The following YES1 variants were observed in gnomAD, a reference collection of about 807,000 sequenced individuals.
The protein encoded by YES1 is YES proto-oncogene 1, Src family tyrosine kinase.
A neutral mutation model predicts 70.4 loss-of-function variants in YES1; 39 were observed. The observed-to-expected ratio is 0.55, with a 90% confidence interval of 0.43 to 0.72. YES1 has a LOEUF of 0.72. Among genes scored for constraint, YES1 ranks in the 30% least tolerant of loss-of-function variants. The pLI is 0.00. For synonymous variants in YES1, 198 were observed against 218.6 expected, an observed-to-expected ratio of 0.91 and a Z score of 0.83; for missense variants, 495 against 644.8, an observed-to-expected ratio of 0.77 and a Z score of 2.52.
intron 1 of YES1, among the ~76,000 whole-genome samples, chr18:795,607 G>C (rs1906497009): frequency 6.6e-6 from 1 of 152,024 alleles, no homozygotes; most frequent in Non-Finnish European, 1.5e-5. Context: ...CCTTTGCAAG[G>C]ACATGGATGA....
chr18:761,098 G>T (rs993451283), intron 1 of YES1, among the ~76,000 whole-genome samples: 2 of 152,088 alleles, frequency 1.3e-5, no homozygotes, highest in Non-Finnish European at 2.9e-5. Context: ...CAGACTGGAA[G>T]ATTTTGACTC....
chr18:796,405 T>C (rs1197447202), intron 1 of YES1, among the ~76,000 whole-genome samples: 1 of 152,220 alleles, frequency 6.6e-6, no homozygotes, highest in Non-Finnish European at 1.5e-5. Context: ...CACAGTCAAT[T>C]ATCAATACAC....
intron 8 of YES1, among the ~76,000 whole-genome samples, chr18:740,342 C>T (rs375452426): frequency 6.6e-6 from 1 of 152,122 alleles, no homozygotes; most frequent in Admixed American, 6.6e-5. Context: ...CAAGAGAAAA[C>T]ATCACACAAA....
chr18:803,711 T>A (rs1294800675), intron 1 of YES1, among the ~76,000 whole-genome samples: 4 of 152,074 alleles, frequency 2.6e-5, no homozygotes, highest in Non-Finnish European at 5.9e-5. Context: ...GAGGAGCTGG[T>A]AAGGTGGGAA....
intron 11 of YES1, 70 bp from the exon 12 acceptor site, chr18:724,702 C>G: frequency 8.1e-7 from 1 of 1,235,662 alleles, no homozygotes. Flanking sequence ...AACAAACCCC[C>G]TAGCCACTAA....
chr18:777,122 C>G (rs1321032565), intron 1 of YES1, among the ~76,000 whole-genome samples: 1 of 152,098 alleles, frequency 6.6e-6, no homozygotes, highest in Non-Finnish European at 1.5e-5. Flanking sequence ...CAAGAGGGAA[C>G]AAAGTGGGGT....
chr18:764,115 C>G (rs62088304), intron 1 of YES1, among the ~76,000 whole-genome samples: 149,778 of 149,808 alleles, frequency 1, 74,874 homozygotes, highest in Middle Eastern at 1. Flanking sequence ...GCGAGACTCC[C>G]TCTCAAAAAA....
intron 1 of YES1, among the ~76,000 whole-genome samples, chr18:797,236 T>G (rs903729897): frequency 4.6e-5 from 7 of 152,130 alleles, no homozygotes; most frequent in African/African-American, 1.7e-4. Flanking sequence ...GAGAGATGCA[T>G]AGTAGCCTTC....
chr18:812,739 G>A (rs1598956834), upstream of YES1, among the ~76,000 whole-genome samples: 1 of 152,180 alleles, frequency 6.6e-6, no homozygotes, highest in South Asian at 2.1e-4. Flanking sequence ...TCTGTTCCTT[G>A]GCCCAGCTCT....
At chr18:759,488 C>G (rs958077908) in intron 1 of YES1, among the ~76,000 whole-genome samples, 3 of 152,092 alleles carry the variant, frequency 2.0e-5, no homozygotes, top group Non-Finnish European at 4.4e-5. Context: ...CAACAAAAAC[C>G]CATAACCGGA....
chr18:793,740 T>C (rs1307803361), intron 1 of YES1, among the ~76,000 whole-genome samples: 2 of 152,218 alleles, frequency 1.3e-5, no homozygotes, highest in African/African-American at 4.8e-5. Flanking sequence ...ATAAGTAGTT[T>C]TGTAATATAC....
Position 732,909 on chromosome 18 carries a change from TAA to T in YES1, c.1346_1347del (p.Phe449TyrfsTer5). 1 of 1,614,208 alleles carries T rather than the reference TAA, an allele frequency of 6.2e-7. No individual in the cohort carries two copies. Among genetic ancestry groups the T allele is most frequent in the Non-Finnish European group, 8.5e-7 (1 of 1,180,042 alleles). The stretch of plus-strand genomic sequence containing the variant: ...AATGACCAGACATCAGACTTTATTG[TAA>T]ACCGACCATACAGTGCAGCTTCAGG... ...TAPEAALYGR[F>X]TIKSDVWSFG... is the part of the protein sequence containing the mutation. On this transcript the variant is annotated frameshift_variant, in exon 11 of 12. Coordinates refer to ENST00000314574, the MANE Select transcript of YES1 (RefSeq NM_005433.4). LOFTEE classifies it high-confidence loss of function.
chr18:724,654 T>G (rs1295153890), intron 11 of YES1, 22 bp from the exon 12 acceptor site: 9 of 1,603,666 alleles, frequency 5.6e-6, no homozygotes, highest in Non-Finnish European at 7.7e-6. Context: ...GATTAAAACA[T>G]TAAAGAACAA....
chr18:767,938 T>C (rs974409316), intron 1 of YES1, among the ~76,000 whole-genome samples: 3 of 152,058 alleles, frequency 2.0e-5, no homozygotes, highest in African/African-American at 7.2e-5. Flanking sequence ...TGACCTCAAG[T>C]GATCCAACCG....
intron 11 of YES1, among the ~76,000 whole-genome samples, chr18:726,897 C>A (rs1013975740): frequency 3.3e-5 from 5 of 150,778 alleles, no homozygotes; most frequent in African/African-American, 1.2e-4. Context: ...TTATTACTAT[C>A]CCCAAATAAG....
At chr18:739,529 A>G in intron 9 of YES1, 2 of 394,010 alleles carry the variant, frequency 5.1e-6, no homozygotes, top group Non-Finnish European at 9.0e-6. Context: ...CTAGAGCCCA[A>G]GAATTCAAGG....
chr18:768,888 A>G (rs759222619), intron 1 of YES1, among the ~76,000 whole-genome samples: 1 of 152,026 alleles, frequency 6.6e-6, no homozygotes, highest in South Asian at 2.1e-4. Flanking sequence ...TTTTTAGTAG[A>G]GACAGGGTTT....
chr18:740,328 T>C (rs898630285), intron 8 of YES1, among the ~76,000 whole-genome samples: 2 of 152,328 alleles, frequency 1.3e-5, no homozygotes, highest in South Asian at 2.1e-4. Context: ...TTAAGGCTTA[T>C]AATCAAGAGA....
At chr18:765,632 T>C (rs1904872041) in intron 1 of YES1, among the ~76,000 whole-genome samples, 2 of 151,990 alleles carry the variant, frequency 1.3e-5, no homozygotes, top group Non-Finnish European at 2.9e-5. Flanking sequence ...ACGCCTGACC[T>C]TGTGACCCAC....
Sources: allele counts gnomAD v4.1 joint callset (sites outside exome capture counted in the v4.1 genomes callset), GRCh38; gene constraint gnomAD v4.1.1; transcripts MANE v1.5; gene names NCBI Gene and HGNC (gene_info 2026-07-23, HGNC 2026-07-21).